Variants in ATP6V0A4 observed in about 807,000 individuals in gnomAD.
ATP6V0A4 encodes the protein V-type proton ATPase 116 kDa subunit a 4.
In ATP6V0A4, 86 loss-of-function variants were observed where a neutral mutation model predicts 107.3. That is an observed-to-expected ratio of 0.80 (90% CI 0.67 to 0.96). ATP6V0A4 has a LOEUF of 0.96. Ranked by LOEUF, ATP6V0A4 falls within the 40% of genes least tolerant of loss-of-function variation. The pLI, the probability that ATP6V0A4 is intolerant of heterozygous loss-of-function variation, is 0.00. For missense variants in ATP6V0A4, 908 were observed against 1,045.6 expected (o/e 0.87, Z 1.81); for synonymous variants, 353 against 381.4 (o/e 0.93, Z 0.87).
At chr7:138,725,967 C>A (rs1278845364) in intron 18 of ATP6V0A4, among the ~76,000 whole-genome samples, 1 of 150,774 alleles carries the variant, frequency 6.6e-6, no homozygotes, top group Admixed American at 6.6e-5. Context: ...AAAAAACGCA[C>A]ATGTTGAAAT....
chr7:138,766,763 G>T (rs1807114067), intron 5 of ATP6V0A4, among the ~76,000 whole-genome samples: 2 of 152,158 alleles, frequency 1.3e-5, no homozygotes, highest in African/African-American at 4.8e-5. Context: ...CCAGTTGGAT[G>T]AATTCCTTTA....
intron 2 of ATP6V0A4, among the ~76,000 whole-genome samples, chr7:138,774,966 G>A (rs943731772): frequency 2.0e-5 from 3 of 151,980 alleles, no homozygotes; most frequent in Non-Finnish European, 4.4e-5. Flanking sequence ...TTGACAGAGG[G>A]TGCGAGGGGC....
At position 138,730,025 on chromosome 7, in the gene ATP6V0A4, C is replaced by T. The variant is rs916054521; in HGVS notation, c.1909-1163G>A. Reference sequence around the variant, plus strand: ...CAGCCTCCCAAGTAGCTGGGACAACCGGCATGTGCCACCACACCCGGCTAA... The same window carrying T: ...CAGCCTCCCAAGTAGCTGGGACAACTGGCATGTGCCACCACACCCGGCTAA... On this transcript the variant is annotated intron_variant, in intron 17 of 21. Transcript: ENST00000310018. Among the ~76,000 whole-genome samples, 13 of 152,130 alleles carry T rather than the reference C, an allele frequency of 8.5e-5. 1 individual carries two copies. The East Asian group carries it at 9.6e-4, about 11-fold the overall frequency.
intron 11 of ATP6V0A4, among the ~76,000 whole-genome samples, chr7:138,749,681 T>C (rs1352752349): frequency 2.6e-5 from 4 of 152,134 alleles, no homozygotes; most frequent in African/African-American, 7.2e-5. Context: ...AATTTTTTCC[T>C]AATTGCCTGC....
chr7:138,716,318 T>A (rs1804028910), intron 19 of ATP6V0A4, among the ~76,000 whole-genome samples: 1 of 152,006 alleles, frequency 6.6e-6, no homozygotes, highest in Non-Finnish European at 1.5e-5. Context: ...TAGAAGACAG[T>A]CCTCCTGTGT....
In ATP6V0A4 at chr7:138,725,006, C is replaced by A. The variant is rs536881134; in HGVS notation, c.2011-2981G>T. ...ACACATGTGGCTGGGCACAGTGGCT[C>A]ACACTTACAATCCCAGTGCTTTGGG... On this transcript the variant is annotated intron_variant, in intron 18 of 21. Transcript: ENST00000310018. Among the ~76,000 whole-genome samples, 3 of 152,308 alleles carry A rather than the reference C, an allele frequency of 2.0e-5. No individual in the cohort carries two copies. The South Asian group carries it at 6.2e-4, about 32-fold the overall frequency.
Position 138,762,158 on chromosome 7 carries a change from C to T in ATP6V0A4, c.512+182G>A, listed in dbSNP as rs113554724. Among the ~76,000 whole-genome samples the T allele has an allele frequency of 2.3e-3, 343 of 152,218 alleles. 2 individuals carry two copies. Among genetic ancestry groups the T allele is most frequent in the African/African-American group, 8.1e-3 (335 of 41,504 alleles). Reference sequence around the variant, plus strand: ...GGTCAGCATCGCCACTAACAAGAAGCTGACACCACTTCCGACTCCACCAAC... The same window carrying T: ...GGTCAGCATCGCCACTAACAAGAAGTTGACACCACTTCCGACTCCACCAAC... On this transcript the variant is annotated intron_variant, in intron 7 of 21. Coordinates refer to ENST00000310018, the MANE Select transcript of ATP6V0A4 (RefSeq NM_020632.3).
At chr7:138,783,976 A>G (rs993243543) in intron 2 of ATP6V0A4, among the ~76,000 whole-genome samples, 5 of 151,942 alleles carry the variant, frequency 3.3e-5, no homozygotes, top group Non-Finnish European at 5.9e-5. Context: ...TGTGAACCTC[A>G]AGAGTAAAGG....
chr7:138,781,787 G>C (rs932237232), intron 2 of ATP6V0A4, among the ~76,000 whole-genome samples: 2 of 150,640 alleles, frequency 1.3e-5, no homozygotes, highest in African/African-American at 4.9e-5. Context: ...TCCTTGCCTT[G>C]TTCCTAATCT....
chr7:138,714,739 G>A (rs982327282), intron 20 of ATP6V0A4, among the ~76,000 whole-genome samples: 10 of 152,290 alleles, frequency 6.6e-5, no homozygotes, highest in South Asian at 4.1e-4. Flanking sequence ...CAAGGCAGGC[G>A]TTCTCTTAAA....
At chr7:138,734,996 T>C (rs1307880348) in intron 15 of ATP6V0A4, among the ~76,000 whole-genome samples, 3 of 152,120 alleles carry the variant, frequency 2.0e-5, no homozygotes, top group African/African-American at 4.8e-5. Context: ...CTGTAGCCAA[T>C]CTTTGCAAGC....
Position 138,789,145 on chromosome 7 carries a change from G to A in ATP6V0A4, c.-120-2885C>T, listed in dbSNP as rs1376486067. Among the ~76,000 whole-genome samples the A allele has an allele frequency of 2.6e-5, 4 of 152,142 alleles. No homozygotes were observed. The South Asian group carries it at 6.2e-4, about 24-fold the overall frequency. ...TGTCTGTACATTCCATTGTGACCAC[G>A]AGCACTCCAAGAGCTGAGGCTATGA... On this transcript the variant is annotated intron_variant, in intron 1 of 21. Coordinates refer to ENST00000310018, the MANE Select transcript of ATP6V0A4 (RefSeq NM_020632.3).
Position 138,752,736 on chromosome 7 carries a change from G to T in ATP6V0A4, c.918C>A (p.Tyr306Ter). The T allele has an allele frequency of 1.9e-6, 3 of 1,614,178 alleles. No homozygotes were observed. The highest frequency in any genetic ancestry group is 2.5e-6 in the Non-Finnish European group (3 of 1,180,028). ...LIKVQKMKAVYHILNMCNIDV... is the reference protein window; with the variant it reads ...LIKVQKMKAV ...CGATGTTGCACATGTTCAGGATGTG[G>T]TAGACAGCTTTCATCTTCTGCACCT... Residue 306 changes from tyrosine to a stop codon, truncating the protein, a stop_gained, in exon 11 of 22, where the codon TAC (tyrosine) becomes TAA (stop). Transcript: ENST00000310018. LOFTEE classifies it high-confidence loss of function.
At chr7:138,744,804 G>A (rs1805828433) in intron 14 of ATP6V0A4, among the ~76,000 whole-genome samples, 1 of 152,168 alleles carries the variant, frequency 6.6e-6, no homozygotes, top group African/African-American at 2.4e-5. Context: ...CCAGGCTCAA[G>A]CAATTCTCCT....
chr7:138,739,455 G>C (rs545901398), intron 15 of ATP6V0A4, 85 bp downstream of exon 15: 4 of 1,495,288 alleles, frequency 2.7e-6, no homozygotes, highest in African/African-American at 1.4e-5. Context: ...GATTTGACAG[G>C]CTTTGTTGGC....
At chr7:138,747,291 G>C (rs192947229) in intron 13 of ATP6V0A4, 134 bp downstream of exon 13, 1 of 1,163,002 alleles carries the variant, frequency 8.6e-7, no homozygotes, top group African/African-American at 1.5e-5. Flanking sequence ...GAAGTTTTAG[G>C]TTAATTTGGC....
At chr7:138,721,420 T>A (rs765943350) in intron 19 of ATP6V0A4, among the ~76,000 whole-genome samples, 2 of 151,976 alleles carry the variant, frequency 1.3e-5, no homozygotes, top group Non-Finnish European at 2.9e-5. Context: ...ATGCCTATAA[T>A]CCCAGGTATT....
At chr7:138,778,815 GC>G (rs1427683318) in intron 2 of ATP6V0A4, among the ~76,000 whole-genome samples, 1 of 151,988 alleles carries the variant, frequency 6.6e-6, no homozygotes, top group Non-Finnish European at 1.5e-5. Flanking sequence ...TCCCTTGTTT[GC>G]CCCTGTTGGG....
At chr7:138,747,323 C>A in intron 13 of ATP6V0A4, 102 bp downstream of exon 13, 1 of 1,440,548 alleles carries the variant, frequency 6.9e-7, no homozygotes, top group Non-Finnish European at 9.7e-7. Flanking sequence ...TTCCTTCTCT[C>A]CTTTATTTTT....
Sources: allele counts gnomAD v4.1 joint callset (sites outside exome capture counted in the v4.1 genomes callset), GRCh38; gene constraint gnomAD v4.1.1; transcripts MANE v1.5; gene names NCBI Gene and HGNC (gene_info 2026-07-23, HGNC 2026-07-21).